The following MYO9A variants were observed in gnomAD, a reference collection of about 807,000 sequenced individuals.
MYO9A encodes unconventional myosin-IXa.
MYO9A carries 103 observed loss-of-function variants against 293.3 expected under a neutral mutation model. The observed-to-expected ratio is 0.35, with a 90% CI of 0.30 to 0.41. The LOEUF is 0.41. Among genes scored for constraint, MYO9A ranks in the 10% least tolerant of loss-of-function variants. The pLI is 1.00. For synonymous variants in MYO9A, 1,001 were observed against 1,035.7 expected (o/e 0.97, Z 0.64); for missense variants, 2,685 against 3,033.0 (o/e 0.89, Z 2.69).
Position 71,960,101 on chromosome 15 carries a change from ATG to A in MYO9A, c.1987-7_1987-6del, listed in dbSNP as rs1243422047. 2 of 1,613,334 alleles carry A rather than the reference ATG, an allele frequency of 1.2e-6. No individual in the cohort carries two copies. Among genetic ancestry groups the A allele is most frequent in the African/African-American group, 1.3e-5 (1 of 74,960 alleles). ...TGTATTTTTTTCCCGGAAATCCTAT[ATG>A]AAAAAAGTACCAGTGTTACTTATGG... On this transcript the variant is annotated splice_polypyrimidine_tract_variant and splice_region_variant and intron_variant, in intron 13 of 41. Coordinates refer to ENST00000356056, the MANE Select transcript of MYO9A (RefSeq NM_006901.4).
chr15:72,034,436 T>C (rs914813859), intron 2 of MYO9A, among the ~76,000 whole-genome samples: 3 of 152,176 alleles, frequency 2.0e-5, no homozygotes, highest in African/African-American at 4.8e-5. Flanking sequence ...TTCATAAAAA[T>C]CTCCAGAAAT....
intron 1 of MYO9A, among the ~76,000 whole-genome samples, chr15:72,080,875 C>T (rs1164966796): frequency 6.6e-6 from 1 of 152,080 alleles, no homozygotes; most frequent in Non-Finnish European, 1.5e-5. Context: ...CATCCATGTT[C>T]CTGCAAAGAA....
chr15:71,905,117 A>T, intron 19 of MYO9A, 111 bp from the exon 20 acceptor site: 1 of 849,580 alleles, frequency 1.2e-6, no homozygotes, highest in South Asian at 2.5e-5. Context: ...AGAGGTACAC[A>T]TAGAAAGAGG....
chr15:71,903,901 T>TA, intron 21 of MYO9A, 28 bp downstream of exon 21: 1 of 1,560,164 alleles, frequency 6.4e-7, no homozygotes, highest in Non-Finnish European at 8.8e-7. Flanking sequence ...TGTGTCTAAA[T>TA]ATGTAAATAT....
chr15:72,005,686 C>G (rs2076996265), intron 8 of MYO9A, among the ~76,000 whole-genome samples: 1 of 152,136 alleles, frequency 6.6e-6, no homozygotes, highest in East Asian at 1.9e-4. Flanking sequence ...AATGCCCAAT[C>G]ACGTACAGAA....
At position 71,840,471 on chromosome 15, in the gene MYO9A, G is replaced by T. The variant is rs145067456; in HGVS notation, c.6837+8374C>A. ...GAGCCCATGGTAGTCATATGAGTCTGAAAGTTGAGCCTAAGAAAATATCCT... is the reference window on the plus strand; with the variant it reads ...GAGCCCATGGTAGTCATATGAGTCTTAAAGTTGAGCCTAAGAAAATATCCT... On this transcript the variant is annotated intron_variant, in intron 39 of 41. Transcript: ENST00000356056. 2.6e-3 allele frequency among the ~76,000 whole-genome samples: 400 copies of T among 152,204 alleles called. 3 individuals are homozygous for T. Among genetic ancestry groups the T allele is most frequent in the African/African-American group, 9.5e-3 (394 of 41,518 alleles).
At chr15:71,884,367 C>A (rs1160215057) in intron 27 of MYO9A, among the ~76,000 whole-genome samples, 1 of 152,142 alleles carries the variant, frequency 6.6e-6, no homozygotes, top group Non-Finnish European at 1.5e-5. Flanking sequence ...TTATTAACAG[C>A]CACTTATTTG....
chr15:71,873,079 A>AT (rs541618605), intron 32 of MYO9A, among the ~76,000 whole-genome samples: 98 of 150,080 alleles, frequency 6.5e-4, no homozygotes, highest in Non-Finnish European at 1.2e-3. Context: ...CACCTGGCTA[A>AT]TTTTTTTTTG....
intron 8 of MYO9A, among the ~76,000 whole-genome samples, chr15:72,001,927 AT>A (rs1433351871): frequency 2.0e-5 from 3 of 152,190 alleles, no homozygotes; most frequent in African/African-American, 7.2e-5. Context: ...AAGAAAAAAA[AT>A]GTAATAAAAT....
chr15:72,065,345 G>A (rs956954367), intron 1 of MYO9A, among the ~76,000 whole-genome samples: 8 of 151,878 alleles, frequency 5.3e-5, no homozygotes, highest in Admixed American at 5.3e-4. Flanking sequence ...GAGAAACTCT[G>A]TCTCTACTAA....
Position 71,888,024 on chromosome 15 carries a change from C to A in MYO9A, c.5235G>T (p.Lys1745Asn). 1 of 1,603,188 alleles carries A rather than the reference C, an allele frequency of 6.2e-7. No homozygotes were observed. Among genetic ancestry groups the A allele is most frequent in the Non-Finnish European group, 8.5e-7 (1 of 1,171,520 alleles). The change falls in exon 27 of 42, where the codon AAG becomes AAT. Residue 1745 changes from lysine (K) to asparagine (N), a missense_variant. Transcript: ENST00000356056. ...GEITKLAVRQ[K>N]ASDSDIRPQR... ...TATACCTTATATCTGAATCTGAAGC[C>A]TTCTGTCTCACTGCCAACTTGGTAA...
At chr15:71,969,885 A>C (rs1183784015) in intron 12 of MYO9A, among the ~76,000 whole-genome samples, 5 of 152,174 alleles carry the variant, frequency 3.3e-5, no homozygotes. Flanking sequence ...AGTGTTCCTC[A>C]AACACTATCT....
intron 39 of MYO9A, among the ~76,000 whole-genome samples, chr15:71,836,972 A>T (rs1442301881): frequency 6.6e-6 from 1 of 151,890 alleles, no homozygotes; most frequent in East Asian, 1.9e-4. Context: ...CTTAAACTGA[A>T]TATGTTTCTG....
chr15:72,022,861 A>G (rs2077544975), intron 4 of MYO9A, among the ~76,000 whole-genome samples: 2 of 152,116 alleles, frequency 1.3e-5, no homozygotes, highest in Non-Finnish European at 2.9e-5. Context: ...AAAAAAATCC[A>G]GTTTTCAACA....
chr15:71,990,803 C>T (rs1475503947), intron 11 of MYO9A, among the ~76,000 whole-genome samples: 1 of 151,858 alleles, frequency 6.6e-6, no homozygotes, highest in Non-Finnish European at 1.5e-5. Flanking sequence ...ATGTGCTCTC[C>T]ACTCTTTTAG....
At chr15:72,033,217 G>GC (rs1411644205) in intron 2 of MYO9A, among the ~76,000 whole-genome samples, 6 of 151,922 alleles carry the variant, frequency 3.9e-5, no homozygotes, top group African/African-American at 1.5e-4. Context: ...ACATTCCAGA[G>GC]CCCCCCTACA....
intron 1 of MYO9A, among the ~76,000 whole-genome samples, chr15:72,091,904 G>C (rs151260463): frequency 7.8e-4 from 118 of 152,086 alleles, no homozygotes; most frequent in African/African-American, 2.7e-3. Context: ...TTTTAGTAGA[G>C]ACGGGGTTTC....
At chr15:72,050,605 T>A (rs887933568) in intron 1 of MYO9A, among the ~76,000 whole-genome samples, 5 of 151,886 alleles carry the variant, frequency 3.3e-5, no homozygotes, top group South Asian at 4.2e-4. Context: ...AGACTCCGTC[T>A]CTAAATAAAT....
At chr15:72,027,050 A>G (rs1486361205) in intron 4 of MYO9A, among the ~76,000 whole-genome samples, 2 of 152,252 alleles carry the variant, frequency 1.3e-5, no homozygotes, top group African/African-American at 4.8e-5. Flanking sequence ...ACTCTTCTAG[A>G]GAATTGGTTT....
Sources: allele counts gnomAD v4.1 joint callset (sites outside exome capture counted in the v4.1 genomes callset), GRCh38; gene constraint gnomAD v4.1.1; transcripts MANE v1.5; gene names NCBI Gene and HGNC (gene_info 2026-07-23, HGNC 2026-07-21).